Variants in ADAMTS3 observed in about 807,000 individuals in gnomAD.
The protein encoded by ADAMTS3 is ADAM metallopeptidase with thrombospondin type 1 motif 3, also known as A disintegrin and metalloproteinase with thrombospondin motifs 3.
Under a neutral mutation model 129.0 loss-of-function variants are expected in ADAMTS3, and 73 were observed. The ratio of observed to expected loss-of-function variants is 0.57; its 90% confidence interval spans 0.47 to 0.69. ADAMTS3 has a LOEUF of 0.69. Ranked by LOEUF, ADAMTS3 falls within the 30% of genes least tolerant of loss-of-function variation. The pLI is 0.00. For missense variants in ADAMTS3, 1,457 were observed against 1,514.5 expected, an observed-to-expected ratio of 0.96 and a Z score of 0.63; for synonymous variants, 477 against 510.8, an observed-to-expected ratio of 0.93 and a Z score of 0.89.
chr4:72,286,921 C>T (rs1463301221), intron 21 of ADAMTS3, among the ~76,000 whole-genome samples: 3 of 151,684 alleles, frequency 2.0e-5, no homozygotes, highest in South Asian at 2.1e-4. Flanking sequence ...GAGACAGACA[C>T]AAGGAGTAAA....
chr4:72,535,841 T>C (rs1235720684), intron 3 of ADAMTS3, among the ~76,000 whole-genome samples: 2 of 152,074 alleles, frequency 1.3e-5, no homozygotes, highest in East Asian at 3.9e-4. Flanking sequence ...TGAACAACAG[T>C]ATAAACTATC....
At chr4:72,540,562 T>C (rs191831076) in intron 3 of ADAMTS3, among the ~76,000 whole-genome samples, 12 of 152,292 alleles carry the variant, frequency 7.9e-5, no homozygotes, top group Admixed American at 7.8e-4. Flanking sequence ...CTCCAGGGCA[T>C]CTCAGAGGTC....
intron 10 of ADAMTS3, 37 bp downstream of exon 10, chr4:72,318,535 C>T (rs919049556): frequency 5.6e-6 from 9 of 1,603,802 alleles, no homozygotes; most frequent in African/African-American, 4.0e-5. Context: ...AAATAGATTT[C>T]GAGCTGCAAA....
intron 19 of ADAMTS3, among the ~76,000 whole-genome samples, chr4:72,295,136 G>A (rs1718772278): frequency 6.6e-6 from 1 of 151,984 alleles, no homozygotes; most frequent in Non-Finnish European, 1.5e-5. Flanking sequence ...AACGTTACAA[G>A]AAAGAAACCA....
chr4:72,378,316 T>C (rs1721186746), intron 4 of ADAMTS3, among the ~76,000 whole-genome samples: 1 of 152,212 alleles, frequency 6.6e-6, no homozygotes, highest in Non-Finnish European at 1.5e-5. Flanking sequence ...GGTTACTTTC[T>C]TCCTTGTATT....
At chr4:72,304,675 C>T (rs890279130) in intron 16 of ADAMTS3, among the ~76,000 whole-genome samples, 16 of 151,890 alleles carry the variant, frequency 1.1e-4, no homozygotes, top group Non-Finnish European at 2.2e-4. Context: ...ATATTTATTA[C>T]ATATTATACA....
At chr4:72,549,263 G>T (rs1314955047) in intron 2 of ADAMTS3, among the ~76,000 whole-genome samples, 1 of 151,952 alleles carries the variant, frequency 6.6e-6, no homozygotes, top group African/African-American at 2.4e-5. Flanking sequence ...CTTTTAACAA[G>T]GTTATTATGT....
rs1188329733 is a variant in ADAMTS3 at position 72,298,452 on chromosome 4, A to C, written c.2425-10T>G. On this transcript the variant is annotated splice_polypyrimidine_tract_variant and intron_variant, in intron 17 of 21. Coordinates refer to ENST00000286657, the MANE Select transcript of ADAMTS3 (RefSeq NM_014243.3). ...TTTCTTGAGGTATAATCTAACATAC[A>C]CATGAAATCAATATGTAAATCACCT... The C allele has an allele frequency of 2.6e-6, 4 of 1,562,248 alleles. No individual in the cohort carries two copies. Among genetic ancestry groups the C allele is most frequent in the Non-Finnish European group, 3.5e-6 (4 of 1,148,024 alleles).
chr4:72,397,175 T>C (rs919179777), intron 4 of ADAMTS3, among the ~76,000 whole-genome samples: 6 of 152,166 alleles, frequency 3.9e-5, no homozygotes, highest in Admixed American at 2.6e-4. Flanking sequence ...AAAATACATA[T>C]TATAGTACAT....
rs74652320 is a variant in ADAMTS3, at chr4:72,315,847, G to T, written c.1599+11C>A. 36,500 of 1,500,248 alleles carry T rather than the reference G, an allele frequency of 0.024. 525 individuals carry two copies. The highest frequency in any genetic ancestry group is 0.028 in the Non-Finnish European group (30,370 of 1,080,826). 92.9% of individuals were successfully genotyped at this position (1,500,248 alleles called of 1,614,324 possible). A position where few individuals can be genotyped will look rare whatever the true frequency, so the allele number is the denominator to read the frequency against. ...ATCTTACATATTTATTGTGTAAATA[G>T]ATATACTCACTTTTCCAGCAGCACA... is the stretch of plus-strand genomic sequence containing the variant. On this transcript the variant is annotated intron_variant, in intron 11 of 21. Transcript: ENST00000286657.
intron 16 of ADAMTS3, among the ~76,000 whole-genome samples, chr4:72,305,326 A>C (rs1435165915): frequency 2.0e-5 from 3 of 152,226 alleles, no homozygotes; most frequent in Middle Eastern, 3.4e-3. Context: ...TATTAGAATA[A>C]TTTAAGATTA....
chr4:72,446,378 T>G (rs1718252874), intron 3 of ADAMTS3, among the ~76,000 whole-genome samples: 1 of 151,624 alleles, frequency 6.6e-6, no homozygotes, highest in South Asian at 2.1e-4. Context: ...TCAATAGGAC[T>G]GGATCATTCT....
At chr4:72,558,693 G>A (rs1202377506) in intron 2 of ADAMTS3, among the ~76,000 whole-genome samples, 1 of 151,608 alleles carries the variant, frequency 6.6e-6, no homozygotes, top group Non-Finnish European at 1.5e-5. Context: ...AGGTATTACT[G>A]TATGATGTGT....
At chr4:72,529,834 CATATA>C (rs1194575321) in intron 3 of ADAMTS3, among the ~76,000 whole-genome samples, 193 of 73,476 alleles carry the variant, frequency 2.6e-3, no homozygotes, top group African/African-American at 9.9e-3. Context: ...TAATATATAA[CATATA>C]ATATATTATA....
rs1234296456 is a variant in ADAMTS3, at chr4:72,530,674, A to G, written c.504+17804T>C. Among the ~76,000 whole-genome samples, 8 of 49,180 alleles carry G rather than the reference A, an allele frequency of 1.6e-4. 2 individuals are homozygous for G. In the East Asian group the frequency reaches 6.7e-3, roughly 41 times the overall value. 32.3% of individuals were successfully genotyped at this position (49,180 alleles called of 152,430 possible). A position where few individuals can be genotyped will look rare whatever the true frequency, so the allele number is the denominator to read the frequency against. On this transcript the variant is annotated intron_variant, in intron 3 of 21. Transcript: ENST00000286657. ...ATATTATATATATTATATAATATAT[A>G]ATATGTATAATATATATTGTATCAT...
rs1718574648 is a variant in ADAMTS3 at position 72,456,011 on chromosome 4, TATATACTATATATATA to T, written c.505-41056_505-41041del. ...TACTATATATATTTTACATATAGTA[TATATACTATATATATA>T]TTTTACATATAGTATATATACTATA... On this transcript the variant is annotated intron_variant, in intron 3 of 21. Transcript: ENST00000286657. Among the ~76,000 whole-genome samples the T allele has an allele frequency of 4.0e-4, 20 of 50,302 alleles. 8 individuals are homozygous for T. The highest frequency in any genetic ancestry group is 5.3e-4 in the Non-Finnish European group (15 of 28,536). The allele number at this position is 50,302 out of a possible 152,430, so 33.0% of individuals were successfully genotyped here. A position where few individuals can be genotyped will look rare whatever the true frequency, so the allele number is the denominator to read the frequency against.
chr4:72,488,721 T>C (rs1719654627), intron 3 of ADAMTS3, among the ~76,000 whole-genome samples: 1 of 152,108 alleles, frequency 6.6e-6, no homozygotes, highest in East Asian at 1.9e-4. Context: ...TATATATTTA[T>C]GAAATAATCA....
At chr4:72,291,954 ATCT>A (rs1226370759) in intron 19 of ADAMTS3, among the ~76,000 whole-genome samples, 3 of 152,120 alleles carry the variant, frequency 2.0e-5, no homozygotes, top group South Asian at 2.1e-4. Flanking sequence ...TGACTCTGAA[ATCT>A]TCTTCTTTCC....
intron 15 of ADAMTS3, among the ~76,000 whole-genome samples, chr4:72,308,171 T>G (rs1309037936): frequency 6.6e-6 from 1 of 152,032 alleles, no homozygotes; most frequent in Non-Finnish European, 1.5e-5. Flanking sequence ...TGAAATATAA[T>G]ACACGTATAT....
Sources: gnomAD v4.1 joint callset for allele counts (sites outside exome capture counted in the v4.1 genomes callset) on GRCh38, gnomAD v4.1.1 for gene constraint, MANE v1.5 for transcripts, NCBI Gene and HGNC (gene_info 2026-07-23, HGNC 2026-07-21) for gene names.